The following GPR158 variants were observed in gnomAD, a reference collection of about 807,000 sequenced individuals.
The protein encoded by GPR158 is metabotropic glycine receptor.
Under a neutral mutation model 78.2 loss-of-function variants are expected in GPR158, and 30 were observed. That is an observed-to-expected ratio of 0.38 (90% CI 0.29 to 0.52). The LOEUF (loss-of-function observed/expected upper bound fraction) is 0.52. Ranked by LOEUF, GPR158 falls within the 20% of genes least tolerant of loss-of-function variation. The pLI is 0.83. For missense variants in GPR158, 1,463 were observed against 1,523.5 expected, an observed-to-expected ratio of 0.96 and a Z score of 0.66; for synonymous variants, 581 against 591.1, an observed-to-expected ratio of 0.98 and a Z score of 0.25.
intron 8 of GPR158, among the ~76,000 whole-genome samples, chr10:25,589,555 T>C (rs1837314326): frequency 6.6e-6 from 1 of 152,330 alleles, no homozygotes; most frequent in East Asian, 1.9e-4. Context: ...AAAATCTCAA[T>C]AGACATATAG....
At chr10:25,213,650 T>G (rs770513681) in intron 1 of GPR158, among the ~76,000 whole-genome samples, 5 of 152,104 alleles carry the variant, frequency 3.3e-5, no homozygotes, top group Non-Finnish European at 7.4e-5. Flanking sequence ...TTTTCTTTTT[T>G]TGTGTGTGAA....
chr10:25,359,278 C>T (rs1385985194), intron 2 of GPR158, among the ~76,000 whole-genome samples: 3 of 151,970 alleles, frequency 2.0e-5, no homozygotes, highest in Non-Finnish European at 4.4e-5. Context: ...ATTTTTTATA[C>T]TTTAAGTTCT....
intron 5 of GPR158, among the ~76,000 whole-genome samples, chr10:25,487,948 C>T (rs1835756368): frequency 6.6e-6 from 1 of 151,956 alleles, no homozygotes; most frequent in South Asian, 2.1e-4. Flanking sequence ...TAATTGTGAG[C>T]ATTTAAAAGC....
chr10:25,461,967 C>T (rs1047718497), intron 4 of GPR158, among the ~76,000 whole-genome samples: 1 of 152,034 alleles, frequency 6.6e-6, no homozygotes, highest in Non-Finnish European at 1.5e-5. Flanking sequence ...GTCTCGATCT[C>T]CTGACCTTGT....
At chr10:25,565,181 A>G (rs1294901485) in intron 6 of GPR158, among the ~76,000 whole-genome samples, 1 of 152,064 alleles carries the variant, frequency 6.6e-6, no homozygotes, top group Non-Finnish European at 1.5e-5. Flanking sequence ...GACATGTTTA[A>G]CTAATTGGTC....
At chr10:25,479,635 G>A (rs908183518) in intron 5 of GPR158, among the ~76,000 whole-genome samples, 7 of 151,860 alleles carry the variant, frequency 4.6e-5, no homozygotes, top group Non-Finnish European at 8.8e-5. Context: ...GGCTGGTCTC[G>A]AACACCTGAC....
At chr10:25,243,660 T>C (rs1228984582) in intron 2 of GPR158, among the ~76,000 whole-genome samples, 3 of 152,228 alleles carry the variant, frequency 2.0e-5, no homozygotes, top group Non-Finnish European at 2.9e-5. Context: ...TCACAGCACA[T>C]ACAATTTTAT....
intron 1 of GPR158, among the ~76,000 whole-genome samples, chr10:25,180,947 T>C (rs1198555218): frequency 1.3e-5 from 2 of 152,150 alleles, no homozygotes; most frequent in African/African-American, 4.8e-5. Context: ...TAGAAACTAA[T>C]GAACATTAGT....
At chr10:25,438,928 A>G (rs1260833015) in intron 4 of GPR158, among the ~76,000 whole-genome samples, 1 of 152,216 alleles carries the variant, frequency 6.6e-6, no homozygotes, top group South Asian at 2.1e-4. Context: ...ATTATATGAA[A>G]TTCAGATTTC....
At chr10:25,347,881 T>C (rs868228932) in intron 2 of GPR158, among the ~76,000 whole-genome samples, 24 of 151,994 alleles carry the variant, frequency 1.6e-4, no homozygotes, top group African/African-American at 5.6e-4. Context: ...TTAGAGATCA[T>C]GCCAGTGTAA....
chr10:25,274,567 C>T (rs1854158313), intron 2 of GPR158, among the ~76,000 whole-genome samples: 1 of 152,122 alleles, frequency 6.6e-6, no homozygotes, highest in Non-Finnish European at 1.5e-5. Context: ...TGGGTGACAG[C>T]TGAAAAACAA....
rs533924185 is a variant in GPR158, at chr10:25,329,626, A to C, written c.1009-66285A>C. On this transcript the variant is annotated intron_variant, in intron 2 of 10. Transcript: ENST00000376351. Reference sequence around the variant, plus strand: ...TTTTTTTTTAAAGTTTGATTGAATAATTTATTATTCCAGAAAAACAAGAGT... The same window carrying C: ...TTTTTTTTTAAAGTTTGATTGAATACTTTATTATTCCAGAAAAACAAGAGT... 1.6e-4 allele frequency among the ~76,000 whole-genome samples: 25 copies of C among 151,662 alleles called. No homozygotes were observed. The East Asian group carries it at 4.9e-3, about 29-fold the overall frequency.
chr10:25,596,719 C>T lies in GPR158; in HGVS notation c.2075C>T (p.Ser692Phe), dbSNP rs747271068. 20 of 1,613,494 alleles carry T rather than the reference C, an allele frequency of 1.2e-5. No individual in the cohort carries two copies. The East Asian group carries it at 2.2e-4, about 18-fold the overall frequency. Residue 692 changes from serine to phenylalanine, a missense_variant, in exon 10 of 11, where the codon TCT (serine) becomes TTT (phenylalanine). By Grantham distance (155) the Ser-to-Phe change is radical. Coordinates refer to ENST00000376351, the MANE Select transcript of GPR158 (RefSeq NM_020752.3). ...AYEDELDMGR[S>F]GSYLNSSINS... ...GAGGATGAGCTAGACATGGGCCGAT[C>T]TGGATCCTACCTGAACAGCAGTATC...
chr10:25,271,178 A>G (rs1854113440), intron 2 of GPR158, among the ~76,000 whole-genome samples: 1 of 152,288 alleles, frequency 6.6e-6, no homozygotes, highest in African/African-American at 2.4e-5. Flanking sequence ...TAATCTGCTC[A>G]AATAGCATTT....
chr10:25,413,123 C>T (rs1266975876), intron 4 of GPR158, among the ~76,000 whole-genome samples: 3 of 152,016 alleles, frequency 2.0e-5, no homozygotes, highest in Non-Finnish European at 4.4e-5. Flanking sequence ...GAGTTTGAGA[C>T]CAGCCTGACC....
intron 2 of GPR158, among the ~76,000 whole-genome samples, chr10:25,333,579 G>C (rs1855157678): frequency 6.6e-6 from 1 of 152,092 alleles, no homozygotes; most frequent in Non-Finnish European, 1.5e-5. Flanking sequence ...TTGTCCCACT[G>C]TAACTAAGTA....
intron 5 of GPR158, among the ~76,000 whole-genome samples, chr10:25,466,989 C>G (rs1835433431): frequency 6.6e-6 from 1 of 152,054 alleles, no homozygotes; most frequent in South Asian, 2.1e-4. Flanking sequence ...TATGAGTGAC[C>G]ATGGCCCCTG....
intron 2 of GPR158, among the ~76,000 whole-genome samples, chr10:25,339,894 G>C (rs1325124283): frequency 6.6e-6 from 1 of 152,074 alleles, no homozygotes; most frequent in East Asian, 1.9e-4. Context: ...GTACAGCTGG[G>C]TTCATTTTGC....
Position 25,175,262 on chromosome 10 carries a change from A to C in GPR158, c.-159A>C. 9.1e-6 allele frequency: 5 copies of C among 547,248 alleles called. No homozygotes were observed. Among genetic ancestry groups the C allele is most frequent in the Non-Finnish European group, 1.6e-5 (5 of 311,016 alleles). 33.9% of individuals were successfully genotyped at this position (547,248 alleles called of 1,614,324 possible). A position where few individuals can be genotyped will look rare whatever the true frequency, so the allele number is the denominator to read the frequency against. On this transcript the variant is annotated 5_prime_UTR_variant, in exon 1 of 11. Coordinates refer to ENST00000376351, the MANE Select transcript of GPR158 (RefSeq NM_020752.3). This position sits in a 1 kb window ranked among gnomAD's most constrained non-coding sequence, Gnocchi z 6.4. ...GACGGTAGCTTAGCCACCCGGGGCC[A>C]ATCTCGAAACATTCTTATTTTCAAG...
Sources: allele counts gnomAD v4.1 joint callset (sites outside exome capture counted in the v4.1 genomes callset), GRCh38; gene constraint gnomAD v4.1.1; non-coding constraint Gnocchi (gnomAD v3.1); transcripts MANE v1.5; gene names NCBI Gene and HGNC (gene_info 2026-07-23, HGNC 2026-07-21).